CRTAC1: variants seen among roughly 807,000 people sequenced by gnomAD.
The protein encoded by CRTAC1 is acidic secreted protein in cartilage.
CRTAC1 carries 37 observed loss-of-function variants against 67.8 expected under a neutral mutation model. That is an observed-to-expected ratio of 0.55 (90% CI 0.42 to 0.72). The LOEUF (loss-of-function observed/expected upper bound fraction) is 0.72. Among genes scored for constraint, CRTAC1 ranks in the 30% least tolerant of loss-of-function variants. CRTAC1 has a pLI of 0.00. For missense variants in CRTAC1, 780 were observed against 931.6 expected, an observed-to-expected ratio of 0.84 and a Z score of 2.12; for synonymous variants, 348 against 371.0, an observed-to-expected ratio of 0.94 and a Z score of 0.71.
chr10:97,890,603 C>A, intron 11 of CRTAC1, among the ~76,000 whole-genome samples: 1 of 152,054 alleles, frequency 6.6e-6, no homozygotes, highest in Non-Finnish European at 1.5e-5. Context: ...CTCCTTGTTG[C>A]CCCTTCCTCT....
intron 8 of CRTAC1, 145 bp from the exon 9 acceptor site, chr10:97,897,136 G>C: frequency 1.8e-6 from 1 of 555,840 alleles, no homozygotes; most frequent in Non-Finnish European, 3.2e-6. Flanking sequence ...GCCACTCTCT[G>C]CTCCCAGGCC....
intron 2 of CRTAC1, among the ~76,000 whole-genome samples, chr10:97,997,967 G>A (rs1564928885): frequency 6.6e-6 from 1 of 152,100 alleles, no homozygotes; most frequent in Non-Finnish European, 1.5e-5. Flanking sequence ...AGAGAATGGA[G>A]GAAAGACTTG....
chr10:97,980,221 G>C (rs755905996), intron 2 of CRTAC1, among the ~76,000 whole-genome samples: 2 of 152,166 alleles, frequency 1.3e-5, no homozygotes, highest in East Asian at 1.9e-4. Flanking sequence ...GCACACAGTC[G>C]GTGCTCAATG....
intron 2 of CRTAC1, among the ~76,000 whole-genome samples, chr10:97,985,546 C>T (rs1226298681): frequency 6.6e-6 from 1 of 152,136 alleles, no homozygotes; most frequent in Non-Finnish European, 1.5e-5. Flanking sequence ...ATGCCTGCTA[C>T]AGCCACCTCT....
intron 1 of CRTAC1, among the ~76,000 whole-genome samples, chr10:98,026,135 G>A (rs1446749156): frequency 1.3e-5 from 2 of 152,206 alleles, no homozygotes; most frequent in African/African-American, 4.8e-5. Flanking sequence ...CAAGGGCAGA[G>A]GAATACTAAA....
chr10:97,904,177 C>T (rs2050577862), intron 7 of CRTAC1, among the ~76,000 whole-genome samples: 1 of 152,100 alleles, frequency 6.6e-6, no homozygotes, highest in South Asian at 2.1e-4. Flanking sequence ...GGCTGCTCTC[C>T]CACCTCTGCT....
In CRTAC1 at chr10:97,929,197, T is replaced by C. The variant is rs150248530; in HGVS notation, c.422-5797A>G. Among the ~76,000 whole-genome samples the C allele has an allele frequency of 8.5e-3, 1,297 of 151,970 alleles. 8 individuals carry two copies. Among genetic ancestry groups the C allele is most frequent in the Non-Finnish European group, 0.015 (999 of 67,960 alleles). On this transcript the variant is annotated intron_variant, in intron 3 of 14. Transcript: ENST00000370597. ...GTTTGCATTTAAAGTGACCATGGGGTGGCCAAGAGGTCACTGGCCAAGAGG... is the reference window on the plus strand; with the variant it reads ...GTTTGCATTTAAAGTGACCATGGGGCGGCCAAGAGGTCACTGGCCAAGAGG...
chr10:98,003,063 G>A (rs1335722093), intron 2 of CRTAC1, among the ~76,000 whole-genome samples: 3 of 152,020 alleles, frequency 2.0e-5, no homozygotes, highest in African/African-American at 4.8e-5. Flanking sequence ...GATTACAGGC[G>A]TGAGCCACTG....
At chr10:97,936,791 C>A (rs2051096624) in intron 2 of CRTAC1, among the ~76,000 whole-genome samples, 1 of 152,178 alleles carries the variant, frequency 6.6e-6, no homozygotes, top group Admixed American at 6.5e-5. Context: ...GTATTAGTAA[C>A]CCATTTTATG....
chr10:97,935,687 C>A (rs1008438406), intron 3 of CRTAC1, among the ~76,000 whole-genome samples: 4 of 152,162 alleles, frequency 2.6e-5, no homozygotes, highest in Non-Finnish European at 2.9e-5. Flanking sequence ...GGGGAGTGAA[C>A]AAGTGAGCTC....
chr10:97,942,106 G>A (rs1392570197), intron 2 of CRTAC1, among the ~76,000 whole-genome samples: 1 of 152,154 alleles, frequency 6.6e-6, no homozygotes, highest in Non-Finnish European at 1.5e-5. Flanking sequence ...CTCTTCAGAG[G>A]CTCCTCAGAG....
At chr10:97,945,225 G>C (rs560637547) in intron 2 of CRTAC1, among the ~76,000 whole-genome samples, 1 of 152,302 alleles carries the variant, frequency 6.6e-6, no homozygotes, top group Non-Finnish European at 1.5e-5. Context: ...TGGACTAGTT[G>C]TGTTGGTACT....
At chr10:97,978,374 G>C (rs1419099988) in intron 2 of CRTAC1, among the ~76,000 whole-genome samples, 2 of 152,020 alleles carry the variant, frequency 1.3e-5, no homozygotes, top group Non-Finnish European at 2.9e-5. Flanking sequence ...CTCCACCTCA[G>C]TTTTTTTCAT....
chr10:97,984,451 T>G (rs1349746956), intron 2 of CRTAC1, among the ~76,000 whole-genome samples: 3 of 152,216 alleles, frequency 2.0e-5, no homozygotes, highest in East Asian at 3.8e-4. Context: ...AGCACAATGG[T>G]GGCAGAGCCC....
In CRTAC1 at chr10:97,865,562, C is replaced by T. The variant is rs56007204; in HGVS notation, c.1972G>A (p.Glu658Lys). 294,233 of 1,608,842 alleles carry T rather than the reference C, an allele frequency of 0.18. 30,379 individuals are homozygous for T. The highest frequency in any genetic ancestry group is 0.25 in the Middle Eastern group (1,526 of 6,034). ...NLGSVVKESC[E>K]PSC is the part of the protein sequence containing the mutation. ...CCCACCCCTGCTCAGCAGCTGGGCTCGCAGCTCTCCTTAACCACCGACCCC... is the reference window on the plus strand; with the variant it reads ...CCCACCCCTGCTCAGCAGCTGGGCTTGCAGCTCTCCTTAACCACCGACCCC... Residue 658 changes from glutamate to lysine, a missense_variant, in exon 15 of 15, where the codon GAG becomes AAG. Glu to Lys is a moderately conservative substitution (Grantham distance 56, BLOSUM62 1). Transcript: ENST00000370597.
chr10:97,996,206 T>A (rs941922240), intron 2 of CRTAC1, among the ~76,000 whole-genome samples: 3 of 151,746 alleles, frequency 2.0e-5, no homozygotes, highest in African/African-American at 7.3e-5. Flanking sequence ...CCAAAAGCAA[T>A]GGCAACAGAA....
rs1564876019 is a variant in CRTAC1, at chr10:97,882,799, A to C, written c.1662T>G (p.Asn554Lys). The stretch of plus-strand genomic sequence containing the variant: ...AAGGCAACTCACCCATGCAATGGCC[A>C]TTTTCCTGCTGGGAGAATCCTTGGC... Reference protein sequence around the residue: ...ECGQGFSQQENGHCMDTNECI... With the variant: ...ECGQGFSQQEKGHCMDTNECI... Residue 554 changes from asparagine to lysine, a missense_variant, in exon 13 of 15, where the codon AAT (asparagine) becomes AAG (lysine). Physicochemically the swap from Asn to Lys is moderately conservative, Grantham distance 94 (BLOSUM62 0). Transcript: ENST00000370597. The C allele has an allele frequency of 6.2e-7, 1 of 1,614,122 alleles. No homozygotes were observed. The highest frequency in any genetic ancestry group is 8.5e-7 in the Non-Finnish European group (1 of 1,180,038).
intron 1 of CRTAC1, among the ~76,000 whole-genome samples, chr10:98,015,141 T>C (rs1842971870): frequency 6.6e-6 from 1 of 152,110 alleles, no homozygotes; most frequent in African/African-American, 2.4e-5. Flanking sequence ...TGCTTTTATA[T>C]AGGAAGAAAG....
At chr10:97,888,528 G>A (rs2050318596) in intron 11 of CRTAC1, among the ~76,000 whole-genome samples, 1 of 151,792 alleles carries the variant, frequency 6.6e-6, no homozygotes, top group African/African-American at 2.4e-5. Context: ...TCACACTTAC[G>A]AGGTGGGTAT....
Sources: allele counts gnomAD v4.1 joint callset (sites outside exome capture counted in the v4.1 genomes callset), GRCh38; gene constraint gnomAD v4.1.1; transcripts MANE v1.5; gene names NCBI Gene and HGNC (gene_info 2026-07-23, HGNC 2026-07-21).